Variants in VAT1L observed in about 807,000 individuals in gnomAD.
VAT1L encodes putative NADPH-dependent quinone oxidoreductase VAT1L.
VAT1L carries 34 observed loss-of-function variants against 44.1 expected under a neutral mutation model. That is an observed-to-expected ratio of 0.77 (90% confidence interval 0.59 to 1.03). The LOEUF is 1.03. Among genes scored for constraint, VAT1L ranks in the 50% least tolerant of loss-of-function variants. VAT1L has a pLI of 0.00. For missense variants in VAT1L, 615 were observed against 538.8 expected (o/e 1.14, Z -1.40); for synonymous variants, 253 against 202.2 (o/e 1.25, Z -2.13).
chr16:77,955,240 T>C (rs563035724), intron 7 of VAT1L, among the ~76,000 whole-genome samples: 6 of 152,330 alleles, frequency 3.9e-5, no homozygotes, highest in Admixed American at 3.3e-4. Flanking sequence ...CTGGAGGTGC[T>C]TTTGCCTCCC....
chr16:77,967,840 C>T (rs985563425), intron 7 of VAT1L, among the ~76,000 whole-genome samples: 5 of 152,120 alleles, frequency 3.3e-5, no homozygotes, highest in Admixed American at 1.3e-4. Flanking sequence ...AGATCTATGA[C>T]GTGAGACACT....
At position 77,857,895 on chromosome 16, in the gene VAT1L, G is replaced by T. The variant is rs531645288; in HGVS notation, c.580-4853G>T. The stretch of plus-strand genomic sequence containing the variant: ...TTTAAAATAGAAATAGTGAAGTTCT[G>T]CTTCAGTCAGAACCTGCATAGGTTA... On this transcript the variant is annotated intron_variant, in intron 3 of 8. Coordinates refer to ENST00000302536, the MANE Select transcript of VAT1L (RefSeq NM_020927.3). Among the ~76,000 whole-genome samples, 5 of 147,638 alleles carry T rather than the reference G, an allele frequency of 3.4e-5. No homozygotes were observed. In the East Asian group the frequency reaches 1.0e-3, roughly 29 times the overall value.
intron 4 of VAT1L, among the ~76,000 whole-genome samples, chr16:77,864,717 A>G (rs956455017): frequency 1.3e-5 from 2 of 152,170 alleles, no homozygotes; most frequent in African/African-American, 4.8e-5. Flanking sequence ...GATTTGGTGA[A>G]ACTTGGGAAG....
intron 5 of VAT1L, among the ~76,000 whole-genome samples, chr16:77,877,525 AAAAAAAAAAAAAAAAAAAC>A (rs2017101656): frequency 1.3e-5 from 1 of 75,400 alleles, no homozygotes; most frequent in African/African-American, 4.5e-5. Context: ...AAAAAAAAAA[AAAAAAAAAAAAAAAAAAAC>A]CACATTAGTC....
intron 1 of VAT1L, among the ~76,000 whole-genome samples, chr16:77,805,474 C>T (rs1490476185): frequency 1.3e-5 from 2 of 151,446 alleles, no homozygotes; most frequent in Non-Finnish European, 2.9e-5. Context: ...TCTTTGACCC[C>T]GCATGGATTG....
intron 1 of VAT1L, among the ~76,000 whole-genome samples, chr16:77,796,746 C>T (rs926333563): frequency 2.6e-5 from 4 of 152,160 alleles, no homozygotes; most frequent in East Asian, 1.9e-4. Flanking sequence ...TCTTGCCTAG[C>T]GTTCTCACAC....
At chr16:77,950,328 A>G (rs1677310) in intron 7 of VAT1L, among the ~76,000 whole-genome samples, 86,398 of 151,314 alleles carry the variant, frequency 0.57, 25,033 homozygotes, top group Middle Eastern at 0.78. Flanking sequence ...AAAATCGCTT[A>G]AACCTGCAAG....
At chr16:77,843,404 T>C (rs254771) in intron 3 of VAT1L, among the ~76,000 whole-genome samples, 151,295 of 152,224 alleles carry the variant, frequency 0.99, 75,193 homozygotes, top group Middle Eastern at 1. Context: ...AACAGAAGGT[T>C]GACCCCCAGG....
chr16:77,939,642 G>A (rs909501167), intron 7 of VAT1L, among the ~76,000 whole-genome samples: 5 of 152,112 alleles, frequency 3.3e-5, no homozygotes, highest in African/African-American at 4.8e-5. Flanking sequence ...TCTTGCTACC[G>A]AAGGGTTTGA....
At chr16:77,903,994 C>T (rs903503823) in intron 7 of VAT1L, among the ~76,000 whole-genome samples, 2 of 151,984 alleles carry the variant, frequency 1.3e-5, no homozygotes, top group Admixed American at 6.6e-5. Flanking sequence ...CCTCAGCCTC[C>T]CAAAGTTCTG....
chr16:77,880,777 T>C (rs568833207), intron 6 of VAT1L, among the ~76,000 whole-genome samples: 15 of 151,906 alleles, frequency 9.9e-5, no homozygotes, highest in African/African-American at 3.6e-4. Context: ...CCTTTAGTGG[T>C]CTGCAGTGTT....
intron 4 of VAT1L, among the ~76,000 whole-genome samples, chr16:77,866,219 C>T (rs1258405820): frequency 6.6e-6 from 1 of 152,208 alleles, no homozygotes; most frequent in Non-Finnish European, 1.5e-5. Context: ...TGTAAGTGCT[C>T]AGCACATGTT....
chr16:77,818,156 G>T (rs562388396), intron 2 of VAT1L, among the ~76,000 whole-genome samples: 2 of 152,210 alleles, frequency 1.3e-5, no homozygotes, highest in African/African-American at 4.8e-5. Flanking sequence ...AATAAATGCA[G>T]GACAGGAGAG....
chr16:77,906,026 G>A (rs2017433052), intron 7 of VAT1L, among the ~76,000 whole-genome samples: 1 of 152,132 alleles, frequency 6.6e-6, no homozygotes, highest in Non-Finnish European at 1.5e-5. Context: ...GGAAGGCCTT[G>A]GCTCACATCA....
At chr16:77,893,744 C>G (rs2017292490) in intron 7 of VAT1L, among the ~76,000 whole-genome samples, 1 of 152,118 alleles carries the variant, frequency 6.6e-6, no homozygotes, top group South Asian at 2.1e-4. Context: ...AAAAATGAGG[C>G]TCTAGAGAGA....
intron 7 of VAT1L, among the ~76,000 whole-genome samples, chr16:77,963,173 G>A (rs531463260): frequency 1.3e-5 from 2 of 152,262 alleles, no homozygotes; most frequent in South Asian, 2.1e-4. Flanking sequence ...CCACGCAAAC[G>A]TGCCCACATC....
At chr16:77,976,845 A>T (rs190561416) in intron 8 of VAT1L, among the ~76,000 whole-genome samples, 20 of 152,332 alleles carry the variant, frequency 1.3e-4, no homozygotes, top group South Asian at 8.3e-4. Context: ...TTAACAAAAG[A>T]AAAGGAGTCA....
At chr16:77,881,063 G>A (rs1392840559) in intron 6 of VAT1L, among the ~76,000 whole-genome samples, 1 of 152,190 alleles carries the variant, frequency 6.6e-6, no homozygotes, top group Non-Finnish European at 1.5e-5. Flanking sequence ...GAACATACGG[G>A]TGCATGTGTC....
intron 8 of VAT1L, among the ~76,000 whole-genome samples, chr16:77,975,194 C>CTTTTTTTTT (rs35017686): frequency 0.02 from 787 of 39,852 alleles, 105 homozygotes; most frequent in Non-Finnish European, 0.025. Context: ...GGAATGACCA[C>CTTTTTTTTT]TTTTTTTTTT....
Sources: allele counts gnomAD v4.1 joint callset (sites outside exome capture counted in the v4.1 genomes callset), GRCh38; gene constraint gnomAD v4.1.1; transcripts MANE v1.5; gene names NCBI Gene and HGNC (gene_info 2026-07-23, HGNC 2026-07-21).